The following SHPRH variants were observed in gnomAD, a reference collection of about 807,000 sequenced individuals.
SHPRH encodes SNF2 histone linker PHD RING helicase.
A neutral mutation model predicts 202.5 loss-of-function variants in SHPRH; 106 were observed. The ratio of observed to expected loss-of-function variants is 0.52; its 90% CI spans 0.45 to 0.62. The LOEUF (loss-of-function observed/expected upper bound fraction) is 0.62, where lower values mean the gene tolerates loss of function less well. Ranked by LOEUF, SHPRH falls within the 20% of genes least tolerant of loss-of-function variation. SHPRH has a pLI of 0.00. For missense variants in SHPRH, 1,710 were observed against 2,020.0 expected (o/e 0.85, Z 2.94); for synonymous variants, 729 against 686.0 (o/e 1.06, Z -0.98).
chr6:145,890,840 C>A (rs1211007431), intron 28 of SHPRH, among the ~76,000 whole-genome samples: 3 of 152,118 alleles, frequency 2.0e-5, no homozygotes, highest in African/African-American at 7.2e-5. Context: ...ATGGTGTTAT[C>A]CTTGACCCTC....
At chr6:145,922,464 G>T in intron 19 of SHPRH, 116 bp from the exon 20 acceptor site, 1 of 1,299,098 alleles carries the variant, frequency 7.7e-7, no homozygotes, top group Non-Finnish European at 1.0e-6. Context: ...TGCCATTTTA[G>T]AAAAAACAAA....
At chr6:145,921,542 T>A in intron 20 of SHPRH, 150 bp from the exon 21 acceptor site, 1 of 390,398 alleles carries the variant, frequency 2.6e-6, no homozygotes, top group Non-Finnish European at 3.9e-6. Flanking sequence ...TTTGGCCAGT[T>A]TTTTTTTTTT....
downstream of SHPRH, among the ~76,000 whole-genome samples, chr6:145,860,778 T>C (rs1459002542): frequency 6.6e-6 from 1 of 152,058 alleles, no homozygotes; most frequent in Non-Finnish European, 1.5e-5. Context: ...CAAAACAGTA[T>C]GGTACTGGAA....
At chr6:145,882,673 GGA>G (rs1350516466), downstream of SHPRH, among the ~76,000 whole-genome samples, 5 of 152,176 alleles carry the variant, frequency 3.3e-5, no homozygotes, top group Non-Finnish European at 7.3e-5. Context: ...AAAAATAACT[GGA>G]GATAGCAGTT....
chr6:145,894,964 G>C lies in SHPRH; in HGVS notation c.4529C>G (p.Thr1510Arg). The stretch of plus-strand genomic sequence containing the variant: ...AGTTCTGACCACAGCTTCCACTTTT[G>C]TAGAATGGCTGCCCTTTGAACACAC... ...EDIPVKGSHS[T>R]KVEAVVRTLM... Residue 1510 changes from threonine to arginine, a missense_variant, in exon 26 of 30, where the codon ACA becomes AGA. By Grantham distance (71) the Thr-to-Arg change is moderately conservative. Transcript: ENST00000275233. The C allele has an allele frequency of 6.2e-7, 1 of 1,612,854 alleles. No homozygotes were observed. The highest frequency in any genetic ancestry group is 8.5e-7 in the Non-Finnish European group (1 of 1,179,236).
rs1480075209 is a variant in SHPRH, at chr6:145,940,724, C to T, written c.2568G>A (p.Glu856=). The change falls in exon 11 of 30, where the codon GAG becomes GAA. Residue 856 remains glutamate, a splice_region_variant and synonymous_variant. Coordinates refer to ENST00000275233, the MANE Select transcript of SHPRH (RefSeq NM_001042683.3). ...ATATGTGAGGAAACCATACATTACC[C>T]TCTAATCCTCTCTGTACTGGAGTGC... ...ISGTPVQRGL[E]DLFGLVVFLG... is the part of the protein sequence containing the mutation. 2.5e-6 allele frequency: 4 copies of T among 1,613,426 alleles called. No homozygotes were observed. The highest frequency in any genetic ancestry group is 3.4e-6 in the Non-Finnish European group (4 of 1,179,702).
At chr6:145,874,884 T>C (rs1472559662) in intron 2 of SHPRH, among the ~76,000 whole-genome samples, 1 of 152,220 alleles carries the variant, frequency 6.6e-6, no homozygotes. Flanking sequence ...ATATTCTGAA[T>C]ATTTAAACTC....
At chr6:145,901,213 T>C (rs1192540539) in intron 25 of SHPRH, among the ~76,000 whole-genome samples, 1 of 152,116 alleles carries the variant, frequency 6.6e-6, no homozygotes, top group East Asian at 1.9e-4. Context: ...TTGCAGAATA[T>C]GGAGAAAAAC....
chr6:145,918,635 CT>C (rs1784156990), intron 22 of SHPRH: 1 of 153,102 alleles, frequency 6.5e-6, no homozygotes, highest in Admixed American at 6.5e-5. Flanking sequence ...CTCTGTCCCC[CT>C]GGTAGAATAC....
Position 145,935,134 on chromosome 6 carries a change from T to C in SHPRH, c.2763A>G (p.Ile921Met). ...CCACTGGAGAAAAGTGGAGCCAGTG[T>C]ATTTCTTCGGTTTGTGGTGGTATTT... ...QIQIPPQTEE[I>M]HWLHFSPVER... The change falls in exon 13 of 30, where the codon ATA (isoleucine) becomes ATG (methionine). Residue 921 changes from isoleucine to methionine, a missense_variant. Transcript: ENST00000275233. 6.2e-7 allele frequency: 1 copy of C among 1,613,702 alleles called. No homozygotes were observed. Among genetic ancestry groups the C allele is most frequent in the East Asian group, 2.2e-5 (1 of 44,840 alleles).
intron 11 of SHPRH, among the ~76,000 whole-genome samples, chr6:145,937,976 C>G (rs138494865): frequency 6.6e-6 from 1 of 152,078 alleles, no homozygotes; most frequent in East Asian, 1.9e-4. Context: ...TAATATTTAT[C>G]TAAGTATTTA....
chr6:145,945,328 G>A lies in SHPRH; in HGVS notation c.1578+53C>T, dbSNP rs973203609. 6 of 1,539,926 alleles carry A rather than the reference G, an allele frequency of 3.9e-6. No homozygotes were observed. In the South Asian group the frequency reaches 6.5e-5, roughly 17 times the overall value. On this transcript the variant is annotated intron_variant, in intron 8 of 29. Transcript: ENST00000275233. The stretch of plus-strand genomic sequence containing the variant: ...AAGGTGGGATCTGTCAATGTACTCA[G>A]TAAGGTATCACATACGTGTACTTAA...
chr6:145,874,958 CTA>C (rs1383469322), intron 2 of SHPRH, among the ~76,000 whole-genome samples: 3 of 152,214 alleles, frequency 2.0e-5, no homozygotes, highest in East Asian at 1.9e-4. Context: ...GGTACATGGT[CTA>C]TGTTATTGCA....
At chr6:145,907,976 TTC>T (rs906532181) in intron 25 of SHPRH, 3 of 152,104 alleles carry the variant, frequency 2.0e-5, no homozygotes, top group African/African-American at 7.2e-5. Flanking sequence ...TGTCCATGTG[TTC>T]TCAGTGTTCA....
intron 25 of SHPRH, chr6:145,909,196 T>C (rs3923580): frequency 0.084 from 12,783 of 151,998 alleles, 652 homozygotes; most frequent in Middle Eastern, 0.12. Flanking sequence ...TGTTCTTTTG[T>C]AGTGCTTATC....
intron 10 of SHPRH, 23 bp downstream of exon 10, chr6:145,941,600 A>G (rs1786783204): frequency 1.2e-6 from 2 of 1,611,190 alleles, no homozygotes; most frequent in Admixed American, 1.7e-5. Flanking sequence ...CCAGCCCTCA[A>G]AAGATTTTGC....
Position 145,910,483 on chromosome 6 carries a change from C to G in SHPRH, c.4480G>C (p.Glu1494Gln), listed in dbSNP as rs373487082. ...HKEISYVFTS[E>Q]KANQEEDIPV... ...ATGTCCTCCTCCTGGTTTGCTTTCT[C>G]TGAGGTAAAGACATACGAGATTTCT... The change falls in exon 25 of 30, where the codon GAG becomes CAG. Residue 1494 changes from glutamate to glutamine, a missense_variant. Around this residue, in one of 8 missense-constraint regions of SHPRH, gnomAD observed 306 missense variants for 479.5 expected, o/e 0.64. Coordinates refer to ENST00000275233, the MANE Select transcript of SHPRH (RefSeq NM_001042683.3). 5 of 1,612,798 alleles carry G rather than the reference C, an allele frequency of 3.1e-6. No homozygotes were observed. The highest frequency in any genetic ancestry group is 4.2e-6 in the Non-Finnish European group (5 of 1,179,434).
chr6:145,933,365 C>A (rs1785680030), intron 13 of SHPRH, among the ~76,000 whole-genome samples, 187 bp from the exon 14 acceptor site: 1 of 152,020 alleles, frequency 6.6e-6, no homozygotes, highest in Non-Finnish European at 1.5e-5. Context: ...TTGATCACAT[C>A]CTTCTTTAAG....
At chr6:145,902,361 AT>A (rs1445747510) in intron 25 of SHPRH, among the ~76,000 whole-genome samples, 1 of 152,118 alleles carries the variant, frequency 6.6e-6, no homozygotes, top group Non-Finnish European at 1.5e-5. Context: ...GTTAAATCTG[AT>A]TGGAATAAGG....
Sources: gnomAD v4.1 joint callset for allele counts (sites outside exome capture counted in the v4.1 genomes callset) on GRCh38, gnomAD v4.1.1 for gene constraint, gnomAD v4.1.1 regional missense constraint, MANE v1.5 for transcripts, NCBI Gene and HGNC (gene_info 2026-07-23, HGNC 2026-07-21) for gene names.